AHDC1: variants seen among roughly 807,000 people sequenced by gnomAD.
AHDC1 encodes AT-hook DNA binding motif containing 1.
Under a neutral mutation model 87.9 loss-of-function variants are expected in AHDC1, and 7 were observed. The ratio of observed to expected loss-of-function variants is 0.08; its 90% CI spans 0.05 to 0.15. The LOEUF (loss-of-function observed/expected upper bound fraction) is 0.15, where lower values mean the gene tolerates loss of function less well. AHDC1 is among the 10% of genes least tolerant of loss of function. The pLI is 1.00. For missense variants in AHDC1, 1,841 were observed against 2,253.2 expected (o/e 0.82, Z 3.70); for synonymous variants, 1,051 against 1,006.8 (o/e 1.04, Z -0.83).
At chr1:27,573,256 G>A (rs2088602188) in intron 3 of AHDC1, among the ~76,000 whole-genome samples, 1 of 152,168 alleles carries the variant, frequency 6.6e-6, no homozygotes, top group African/African-American at 2.4e-5. Flanking sequence ...GTGCCTTAGG[G>A]AGCCACTAAT....
chr1:27,552,484 C>T (rs958360490), intron 7 of AHDC1: 6 of 206,094 alleles, frequency 2.9e-5, no homozygotes, highest in Admixed American at 1.8e-4. Context: ...CTGCAACCTC[C>T]GCCTCCTAGT....
chr1:27,547,823 C>T lies in AHDC1; in HGVS notation c.4293G>A (p.Gly1431=). The T allele has an allele frequency of 6.5e-7, 1 of 1,550,276 alleles. No individual in the cohort carries two copies. The highest frequency in any genetic ancestry group is 8.7e-7 in the Non-Finnish European group (1 of 1,146,250). ...ACEPLKHGLQ[G]ASLGHAAAAQ... ...CTGCAGCTGCGTGGCCCAGGCTGGC[C>T]CCCTGGAGTCCATGCTTGAGGGGCT... The change falls in exon 8 of 9, where the codon GGG becomes GGA. Residue 1431 remains glycine (G), a synonymous_variant. Coordinates refer to ENST00000673934, the MANE Select transcript of AHDC1 (RefSeq NM_001371928.1). The surrounding 1 kb of genome is among the most constrained non-coding windows in gnomAD (Gnocchi z 4.9).
In AHDC1 at chr1:27,536,975, A is replaced by G. The variant is rs561228041; in HGVS notation, c.*44-2059T>C. Among the ~76,000 whole-genome samples the G allele has an allele frequency of 1.2e-4, 18 of 151,772 alleles. No homozygotes were observed. The South Asian group carries it at 3.3e-3, about 28-fold the overall frequency. On this transcript the variant is annotated intron_variant, in intron 8 of 8. Transcript: ENST00000673934. The stretch of plus-strand genomic sequence containing the variant: ...AACCATTCCCGCGGTGCCTGCGGCC[A>G]GGCAGCAGGAGGCTTTCTCACCCTC...
At chr1:27,536,558 C>T (rs748401098) in intron 8 of AHDC1, among the ~76,000 whole-genome samples, 1 of 152,050 alleles carries the variant, frequency 6.6e-6, no homozygotes, top group African/African-American at 2.4e-5. Flanking sequence ...CACAGTCAGG[C>T]GGTAAACAGG....
Position 27,549,792 on chromosome 1 carries a change from C to A in AHDC1, c.2324G>T (p.Gly775Val). The A allele has an allele frequency of 6.2e-7, 1 of 1,613,456 alleles. No homozygotes were observed. Among genetic ancestry groups the A allele is most frequent in the Non-Finnish European group, 8.5e-7 (1 of 1,179,968 alleles). The change falls in exon 8 of 9, where the codon GGC becomes GTC. Residue 775 changes from glycine (G) to valine (V), a missense_variant. Transcript: ENST00000673934. Reference sequence around the variant, plus strand: ...TGGGTGCCCATGGTGAGGGGCCCAGCCACCACCCTTATCCCCGGCCCACTC... The same window carrying A: ...TGGGTGCCCATGGTGAGGGGCCCAGACACCACCCTTATCCCCGGCCCACTC... ...GAEWAGDKGG[G>V]WAPHHGHPGG...
chr1:27,557,831 G>T (rs937331953), intron 5 of AHDC1, among the ~76,000 whole-genome samples: 2 of 151,978 alleles, frequency 1.3e-5, no homozygotes, highest in Non-Finnish European at 2.9e-5. Flanking sequence ...CACAGCCCTT[G>T]AACGCTCCCC....
At chr1:27,594,742 G>A (rs575209031) in intron 3 of AHDC1, among the ~76,000 whole-genome samples, 10 of 152,306 alleles carry the variant, frequency 6.6e-5, no homozygotes, top group African/African-American at 2.2e-4. Flanking sequence ...GGCTGAGGCT[G>A]TCTAGGGGAA....
Position 27,593,572 on chromosome 1 carries a change from C to A in AHDC1, c.-629+9825G>T, listed in dbSNP as rs1474042295. 6.6e-6 allele frequency among the ~76,000 whole-genome samples: 1 copy of A among 152,250 alleles called. No individual in the cohort carries two copies. Among genetic ancestry groups the A allele is most frequent in the East Asian group, 1.9e-4 (1 of 5,198 alleles). ...CCCAGTCCCACAGCCACGGCTCCAG[C>A]TGGGGTCAGGCATGCCAGCTGTGCC... is the stretch of plus-strand genomic sequence containing the variant. On this transcript the variant is annotated intron_variant, in intron 3 of 8. Coordinates refer to ENST00000673934, the MANE Select transcript of AHDC1 (RefSeq NM_001371928.1). This position sits in a 1 kb window ranked among gnomAD's most constrained non-coding sequence, Gnocchi z 4.9.
At chr1:27,536,608 A>G (rs554868058) in intron 8 of AHDC1, among the ~76,000 whole-genome samples, 84 of 152,206 alleles carry the variant, frequency 5.5e-4, no homozygotes, top group Middle Eastern at 6.8e-3. Context: ...GAGCAGAATG[A>G]TTTTATCTGG....
In AHDC1 at chr1:27,547,781, G is replaced by T. The variant is rs751713431; in HGVS notation, c.4335C>A (p.Ser1445Arg). The change falls in exon 8 of 9, where the codon AGC becomes AGA. Residue 1445 changes from serine to arginine, a missense_variant. Transcript: ENST00000673934. The surrounding 1 kb of genome is among the most constrained non-coding windows in gnomAD (Gnocchi z 4.9). ...GCTGGCCCAGCGGCAGGTCCCGGCA[G>T]CTCAGGTGGGCCTGGGCTGCAGCTG... ...GHAAAAQAHL[S>R]CRDLPLGQPH... The T allele has an allele frequency of 5.7e-6, 9 of 1,578,400 alleles. No homozygotes were observed. In the Admixed American group the frequency reaches 1.6e-4, roughly 27 times the overall value.
Position 27,547,172 on chromosome 1 carries a change from G to A in AHDC1, c.*43+89C>T. 2.2e-6 allele frequency: 2 copies of A among 920,530 alleles called. No homozygotes were observed. The highest frequency in any genetic ancestry group is 2.5e-5 in the East Asian group (1 of 39,364). The allele number at this position is 920,530 out of a possible 1,614,324, so 57.0% of individuals were successfully genotyped here. On this transcript the variant is annotated intron_variant, in intron 8 of 8. Coordinates refer to ENST00000673934, the MANE Select transcript of AHDC1 (RefSeq NM_001371928.1). This position sits in a 1 kb window ranked among gnomAD's most constrained non-coding sequence, Gnocchi z 4.9. ...CCCTTAAATCCTGCATTTGCTTCCT[G>A]CACTCCATACCTCTGTCCTTGCCTA...
Position 27,547,533 on chromosome 1 carries a change from G to A in AHDC1, c.4583C>T (p.Pro1528Leu), listed in dbSNP as rs761729007. 1.1e-5 allele frequency: 17 copies of A among 1,611,130 alleles called. No homozygotes were observed. In the Admixed American group the frequency reaches 2.7e-4, roughly 25 times the overall value. The change falls in exon 8 of 9, where the codon CCC becomes CTC. Residue 1528 changes from proline (P) to leucine (L), a missense_variant. Physicochemically the swap from Pro to Leu is moderately conservative, Grantham distance 98 (BLOSUM62 -3). Around this residue, in one of 13 missense-constraint regions of AHDC1, gnomAD observed 505 missense variants for 626.2 expected, o/e 0.81. Coordinates refer to ENST00000673934, the MANE Select transcript of AHDC1 (RefSeq NM_001371928.1). This position sits in a 1 kb window ranked among gnomAD's most constrained non-coding sequence, Gnocchi z 4.9. ...AGCAGCGGCTGCAGCAGGGCCACGG[G>A]GTGGGCCAGGGGGCCGGGCCATTTC... ...PLEMARPPGP[P>L]RGPAAAAAGY... is the part of the protein sequence containing the mutation.
chr1:27,575,149 C>T (rs2088678065), intron 3 of AHDC1, among the ~76,000 whole-genome samples: 1 of 152,170 alleles, frequency 6.6e-6, no homozygotes, highest in Non-Finnish European at 1.5e-5. Context: ...TTCTCAGGGC[C>T]CGAAGAGCCC....
At position 27,597,376 on chromosome 1, in the gene AHDC1, T is replaced by A. The variant is rs562764234; in HGVS notation, c.-629+6021A>T. ...GTGTGACAGTGTGAGAGTGTGTGTGTGAGAGAGAGAGAGAGAGAGACGCAG... is the reference window on the plus strand; with the variant it reads ...GTGTGACAGTGTGAGAGTGTGTGTGAGAGAGAGAGAGAGAGAGAGACGCAG... On this transcript the variant is annotated intron_variant, in intron 3 of 8. Transcript: ENST00000673934. Among the ~76,000 whole-genome samples the A allele has an allele frequency of 2.3e-4, 35 of 149,830 alleles. No individual in the cohort carries two copies. The South Asian group carries it at 5.3e-3, about 23-fold the overall frequency.
intron 5 of AHDC1, among the ~76,000 whole-genome samples, chr1:27,557,582 C>A (rs1024786596): frequency 6.6e-6 from 1 of 152,214 alleles, no homozygotes; most frequent in Non-Finnish European, 1.5e-5. Context: ...GCCACATGTG[C>A]ACATCACTCC....
In AHDC1 at chr1:27,547,451, C is replaced by A. The variant is rs769177974; in HGVS notation, c.4665G>T (p.Ser1555=). The change falls in exon 8 of 9, where the codon TCG becomes TCT. Residue 1555 remains serine, a synonymous_variant. Coordinates refer to ENST00000673934, the MANE Select transcript of AHDC1 (RefSeq NM_001371928.1). This position sits in a 1 kb window ranked among gnomAD's most constrained non-coding sequence, Gnocchi z 4.9. ...AGGCGGTGTCCTGCAGGGGCAGCAG[C>A]GAGTCCCTCGGCACGGGGGACAGGG... ...DLTLSPVPRD[S]LLPLQDTAYR... The A allele has an allele frequency of 1.3e-5, 20 of 1,590,232 alleles. No individual in the cohort carries two copies. The highest frequency in any genetic ancestry group is 2.3e-5 in the East Asian group (1 of 44,396).
intron 3 of AHDC1, among the ~76,000 whole-genome samples, chr1:27,602,797 C>G (rs1571362466): frequency 6.6e-6 from 1 of 152,284 alleles, no homozygotes; most frequent in East Asian, 1.9e-4. Flanking sequence ...CTAGCCGCCC[C>G]CAAATCCCTC....
At chr1:27,564,150 C>A (rs183662033) in intron 3 of AHDC1, among the ~76,000 whole-genome samples, 1 of 152,224 alleles carries the variant, frequency 6.6e-6, no homozygotes, top group East Asian at 1.9e-4. Context: ...ACATGACTCA[C>A]CCAGGGAACA....
rs1195913812 is a variant in AHDC1, at chr1:27,534,261, G to GTTTTTTTTTTTTTTTTTT, written c.*698_*699insAAAAAAAAAAAAAAAAAA. 2.2e-5 allele frequency: 2 copies of GTTTTTTTTTTTTTTTTTT among 89,644 alleles called. No homozygotes were observed. The highest frequency in any genetic ancestry group is 4.0e-5 in the African/African-American group (1 of 25,014). The allele number at this position is 89,644 out of a possible 1,614,324, so 5.6% of individuals were successfully genotyped here. A position where few individuals can be genotyped will look rare whatever the true frequency, so the allele number is the denominator to read the frequency against. The stretch of plus-strand genomic sequence containing the variant: ...GACACAAGGTTGGTTTTTTTTTTTT[G>GTTTTTTTTTTTTTTTTTT]TTTTTTTTTTGTTTTTTTTTTGCTT... On this transcript the variant is annotated 3_prime_UTR_variant, in exon 9 of 9. Coordinates refer to ENST00000673934, the MANE Select transcript of AHDC1 (RefSeq NM_001371928.1).
Sources: allele counts gnomAD v4.1 joint callset (sites outside exome capture counted in the v4.1 genomes callset), GRCh38; gene constraint gnomAD v4.1.1; regional missense constraint gnomAD v4.1.1; non-coding constraint Gnocchi (gnomAD v3.1); transcripts MANE v1.5; gene names NCBI Gene and HGNC (gene_info 2026-07-23, HGNC 2026-07-21).